Variants in RERG observed in about 807,000 individuals in gnomAD.
RERG encodes RAS like estrogen regulated growth inhibitor.
RERG carries 25 observed loss-of-function variants against 23.2 expected under a neutral mutation model. That is an observed-to-expected ratio of 1.08 (90% CI 0.79 to 1.50). RERG has a LOEUF of 1.50. RERG is among the 40% of genes most tolerant of loss of function. The pLI is 0.00. For missense variants in RERG, 253 were observed against 250.1 expected, an observed-to-expected ratio of 1.01 and a Z score of -0.08; for synonymous variants, 81 against 89.1, an observed-to-expected ratio of 0.91 and a Z score of 0.51.
intron 2 of RERG, among the ~76,000 whole-genome samples, chr12:15,135,435 T>C (rs995308751): frequency 6.6e-6 from 1 of 152,162 alleles, no homozygotes; most frequent in African/African-American, 2.4e-5. Context: ...ACAAGCATTA[T>C]GATGTCAAAA....
At chr12:15,142,118 T>C (rs1244336483) in intron 2 of RERG, among the ~76,000 whole-genome samples, 4 of 152,236 alleles carry the variant, frequency 2.6e-5, no homozygotes, top group African/African-American at 9.6e-5. Context: ...ATATATTTAA[T>C]CACAAAATAT....
At chr12:15,209,723 G>T (rs1448313575) in intron 2 of RERG, among the ~76,000 whole-genome samples, 8 of 152,164 alleles carry the variant, frequency 5.3e-5, no homozygotes, top group Non-Finnish European at 8.8e-5. Context: ...AAGTTTGTAT[G>T]ATAAAATTCT....
At chr12:15,146,723 C>T (rs1286831538) in intron 2 of RERG, among the ~76,000 whole-genome samples, 1 of 152,132 alleles carries the variant, frequency 6.6e-6, no homozygotes, top group Non-Finnish European at 1.5e-5. Context: ...TCACTCTCTC[C>T]CAGGCACAGA....
At chr12:15,144,176 C>A (rs1864290069) in intron 2 of RERG, among the ~76,000 whole-genome samples, 1 of 152,128 alleles carries the variant, frequency 6.6e-6, no homozygotes, top group Non-Finnish European at 1.5e-5. Context: ...TAAAGAAAGA[C>A]TGCAGGAAAA....
At chr12:15,165,676 G>T (rs1050890478) in intron 2 of RERG, among the ~76,000 whole-genome samples, 1 of 152,132 alleles carries the variant, frequency 6.6e-6, no homozygotes, top group Non-Finnish European at 1.5e-5. Context: ...TTTAAAATGG[G>T]GTTATGATGC....
intron 2 of RERG, among the ~76,000 whole-genome samples, chr12:15,175,690 C>T (rs781155151): frequency 2.6e-5 from 4 of 152,082 alleles, no homozygotes; most frequent in African/African-American, 4.8e-5. Context: ...GAAAAATTCC[C>T]TGGGGATAGG....
At chr12:15,192,338 C>A (rs182731786) in intron 2 of RERG, among the ~76,000 whole-genome samples, 16 of 152,280 alleles carry the variant, frequency 1.1e-4, no homozygotes, top group African/African-American at 3.8e-4. Flanking sequence ...CCTATAGAAT[C>A]ATCAGCCAAT....
intron 2 of RERG, among the ~76,000 whole-genome samples, chr12:15,167,410 G>C (rs1435901955): frequency 6.6e-6 from 1 of 152,166 alleles, no homozygotes; most frequent in Non-Finnish European, 1.5e-5. Context: ...AATCACCTGG[G>C]GAGGGGCTTG....
chr12:15,173,455 A>G (rs1352467987), intron 2 of RERG, among the ~76,000 whole-genome samples: 1 of 151,922 alleles, frequency 6.6e-6, no homozygotes, highest in Non-Finnish European at 1.5e-5. Context: ...TTCTGGGTCT[A>G]TTGCATTTCC....
chr12:15,131,909 G>A (rs1864055140), intron 2 of RERG, among the ~76,000 whole-genome samples: 1 of 152,086 alleles, frequency 6.6e-6, no homozygotes, highest in Admixed American at 6.6e-5. Flanking sequence ...CACCCCATAA[G>A]AAGACAGGAA....
intron 2 of RERG, among the ~76,000 whole-genome samples, chr12:15,126,505 T>A (rs1863944718): frequency 6.6e-6 from 1 of 152,024 alleles, no homozygotes; most frequent in South Asian, 2.1e-4. Flanking sequence ...TTATTTTAAA[T>A]ATAGTGCAGG....
intron 2 of RERG, among the ~76,000 whole-genome samples, chr12:15,213,271 A>C (rs568388635): frequency 6.6e-6 from 1 of 152,366 alleles, no homozygotes; most frequent in East Asian, 1.9e-4. Context: ...GACTACAAGA[A>C]GCATTTAAAT....
At chr12:15,209,233 C>T (rs1006312955) in intron 2 of RERG, among the ~76,000 whole-genome samples, 8 of 152,044 alleles carry the variant, frequency 5.3e-5, no homozygotes, top group East Asian at 1.9e-4. Flanking sequence ...ACTATTAAGC[C>T]GACATTTGTA....
chr12:15,152,590 T>G (rs1411476947), intron 2 of RERG, among the ~76,000 whole-genome samples: 1 of 152,200 alleles, frequency 6.6e-6, no homozygotes, highest in East Asian at 1.9e-4. Flanking sequence ...CAGGTTTTCA[T>G]GTAGCAGTGC....
intron 2 of RERG, among the ~76,000 whole-genome samples, chr12:15,208,799 T>C (rs764946638): frequency 1.4e-4 from 22 of 152,156 alleles, no homozygotes; most frequent in Non-Finnish European, 2.4e-4. Flanking sequence ...ATTAGAAGGT[T>C]TTAAAGCTTT....
intron 1 of RERG, among the ~76,000 whole-genome samples, chr12:15,220,555 C>T (rs563974012): frequency 4.6e-5 from 7 of 152,214 alleles, no homozygotes; most frequent in Admixed American, 3.9e-4. Flanking sequence ...AGAAAGTTTT[C>T]ATTCCTAATA....
At chr12:15,219,918 G>T (rs2136153213) in intron 1 of RERG, among the ~76,000 whole-genome samples, 1 of 152,282 alleles carries the variant, frequency 6.6e-6, no homozygotes, top group South Asian at 2.1e-4. Flanking sequence ...AAGAGAAATT[G>T]TGTGGGCTAT....
intron 2 of RERG, among the ~76,000 whole-genome samples, chr12:15,132,516 C>G (rs1864066976): frequency 6.6e-6 from 1 of 152,200 alleles, no homozygotes; most frequent in Non-Finnish European, 1.5e-5. Context: ...ATGCAGGTAA[C>G]TGTGTAGACA....
At chr12:15,132,251 C>T (rs992228174) in intron 2 of RERG, among the ~76,000 whole-genome samples, 1 of 152,162 alleles carries the variant, frequency 6.6e-6, no homozygotes, top group African/African-American at 2.4e-5. Context: ...TTCCCTTTCA[C>T]TCCTACCATT....
Sources: gnomAD v4.1 joint callset for allele counts (sites outside exome capture counted in the v4.1 genomes callset) on GRCh38, gnomAD v4.1.1 for gene constraint, MANE v1.5 for transcripts, NCBI Gene and HGNC (gene_info 2026-07-23, HGNC 2026-07-21) for gene names.